NXPH1: variants seen among roughly 807,000 people sequenced by gnomAD.
The protein encoded by NXPH1 is neurexophilin-1.
NXPH1 carries 5 observed loss-of-function variants against 23.7 expected under a neutral mutation model. The ratio of observed to expected loss-of-function variants is 0.21; its 90% confidence interval spans 0.11 to 0.44. The LOEUF is 0.44. Among genes scored for constraint, NXPH1 ranks in the 20% least tolerant of loss-of-function variants. The pLI, the probability that NXPH1 is intolerant of heterozygous loss-of-function variation, is 0.99. For missense variants in NXPH1, 324 were observed against 321.6 expected, an observed-to-expected ratio of 1.01 and a Z score of -0.06; for synonymous variants, 144 against 122.2, an observed-to-expected ratio of 1.18 and a Z score of -1.18.
chr7:8,568,411 A>T (rs1322107018), intron 2 of NXPH1, among the ~76,000 whole-genome samples: 3 of 151,888 alleles, frequency 2.0e-5, no homozygotes, highest in African/African-American at 7.2e-5. Flanking sequence ...TTTTTACACA[A>T]GGCCCCAAAA....
intron 2 of NXPH1, among the ~76,000 whole-genome samples, chr7:8,642,672 A>G (rs80170172): frequency 0.047 from 7,218 of 152,206 alleles, 379 homozygotes; most frequent in East Asian, 0.17. Context: ...TCAATAAATA[A>G]TGACTTTTTA....
At chr7:8,677,950 T>C (rs1281888322) in intron 2 of NXPH1, among the ~76,000 whole-genome samples, 1 of 151,938 alleles carries the variant, frequency 6.6e-6, no homozygotes, top group East Asian at 1.9e-4. Flanking sequence ...CATACATTTA[T>C]ATATATTTTA....
At chr7:8,711,007 T>G (rs1286970896) in intron 2 of NXPH1, among the ~76,000 whole-genome samples, 3 of 152,192 alleles carry the variant, frequency 2.0e-5, no homozygotes, top group Non-Finnish European at 4.4e-5. Context: ...CCATGGAAAG[T>G]AGATTTTATT....
At chr7:8,740,486 A>G (rs1469253063) in intron 2 of NXPH1, among the ~76,000 whole-genome samples, 2 of 152,200 alleles carry the variant, frequency 1.3e-5, no homozygotes, top group Non-Finnish European at 2.9e-5. Flanking sequence ...TCTAAGAGAT[A>G]GACAATGATG....
intron 2 of NXPH1, among the ~76,000 whole-genome samples, chr7:8,654,745 C>T (rs1820546324): frequency 6.6e-6 from 1 of 152,142 alleles, no homozygotes; most frequent in Non-Finnish European, 1.5e-5. Context: ...GGTGGGACAC[C>T]CCTGCCTGCT....
intron 2 of NXPH1, among the ~76,000 whole-genome samples, chr7:8,673,645 T>C (rs1029471870): frequency 6.6e-6 from 1 of 152,156 alleles, no homozygotes; most frequent in African/African-American, 2.4e-5. Flanking sequence ...ATAATAGTTC[T>C]GTGCTTACAT....
chr7:8,538,380 G>T (rs918790656), intron 2 of NXPH1, among the ~76,000 whole-genome samples: 2 of 151,842 alleles, frequency 1.3e-5, no homozygotes, highest in African/African-American at 4.8e-5. Context: ...CAGTGAAATA[G>T]TTATGAACAT....
intron 2 of NXPH1, among the ~76,000 whole-genome samples, chr7:8,656,595 G>A (rs1054142226): frequency 6.7e-5 from 10 of 150,064 alleles, no homozygotes; most frequent in Non-Finnish European, 3.0e-5. Flanking sequence ...CACAATGTGC[G>A]GGTTAGTTAC....
At chr7:8,688,958 T>C (rs866303911) in intron 2 of NXPH1, among the ~76,000 whole-genome samples, 5 of 152,288 alleles carry the variant, frequency 3.3e-5, no homozygotes, top group Middle Eastern at 3.4e-3. Context: ...ACCTTCGTTT[T>C]CCATGGTCTT....
intron 2 of NXPH1, among the ~76,000 whole-genome samples, chr7:8,640,608 G>A (rs10263325): frequency 0.35 from 52,512 of 151,732 alleles, 9,878 homozygotes; most frequent in African/African-American, 0.49. Context: ...TTTATGTGAT[G>A]GTCTCATAAT....
chr7:8,582,684 G>C (rs577299565), intron 2 of NXPH1, among the ~76,000 whole-genome samples: 1 of 152,268 alleles, frequency 6.6e-6, no homozygotes, highest in African/African-American at 2.4e-5. Context: ...CAGAAGGGAG[G>C]AAGTGCATGC....
chr7:8,622,939 T>C (rs940079126), intron 2 of NXPH1, among the ~76,000 whole-genome samples: 3 of 152,102 alleles, frequency 2.0e-5, no homozygotes, highest in African/African-American at 7.2e-5. Context: ...TCTTGGGAAA[T>C]GTTAACATGA....
chr7:8,668,839 G>T (rs1398795097), intron 2 of NXPH1, among the ~76,000 whole-genome samples: 1 of 152,052 alleles, frequency 6.6e-6, no homozygotes, highest in East Asian at 1.9e-4. Flanking sequence ...GGTTCATGAG[G>T]GCTACCCTAG....
At chr7:8,733,326 C>T (rs1353603526) in intron 2 of NXPH1, among the ~76,000 whole-genome samples, 3 of 152,130 alleles carry the variant, frequency 2.0e-5, no homozygotes, top group Non-Finnish European at 4.4e-5. Context: ...GTGAATAGTG[C>T]TGCAATAAAC....
intron 2 of NXPH1, among the ~76,000 whole-genome samples, chr7:8,591,822 G>C (rs114074158): frequency 6.6e-6 from 1 of 150,526 alleles, no homozygotes; most frequent in African/African-American, 2.4e-5. Flanking sequence ...TGGGTTGAAA[G>C]GGAGGGTGAA....
chr7:8,735,483 A>T (rs879021411), intron 2 of NXPH1, among the ~76,000 whole-genome samples: 2 of 152,204 alleles, frequency 1.3e-5, no homozygotes, highest in Non-Finnish European at 2.9e-5. Context: ...CCCAGGGATG[A>T]AGCCGACTTG....
intron 2 of NXPH1, among the ~76,000 whole-genome samples, chr7:8,629,393 G>T (rs1820073769): frequency 6.6e-6 from 1 of 152,112 alleles, no homozygotes; most frequent in African/African-American, 2.4e-5. Context: ...TAGACAATTT[G>T]TAACTACTAA....
At chr7:8,449,402 C>T (rs1193373711) in intron 2 of NXPH1, among the ~76,000 whole-genome samples, 3 of 152,130 alleles carry the variant, frequency 2.0e-5, no homozygotes, top group Non-Finnish European at 4.4e-5. Flanking sequence ...TAAAACGTTC[C>T]ATATTTCTGT....
intron 2 of NXPH1, among the ~76,000 whole-genome samples, chr7:8,532,245 T>C (rs749818869): frequency 1.1e-4 from 16 of 152,144 alleles, no homozygotes; most frequent in Non-Finnish European, 2.4e-4. Flanking sequence ...AGGCTGAATG[T>C]AAAATAGCTG....
Sources: allele counts gnomAD v4.1 joint callset (sites outside exome capture counted in the v4.1 genomes callset), GRCh38; gene constraint gnomAD v4.1.1; transcripts MANE v1.5; gene names NCBI Gene and HGNC (gene_info 2026-07-23, HGNC 2026-07-21).